PFKFB4: variants seen among roughly 807,000 people sequenced by gnomAD.
PFKFB4 encodes the protein 6-phosphofructo-2-kinase/fructose-2,6-biphosphatase 4.
Under a neutral mutation model 62.8 loss-of-function variants are expected in PFKFB4, and 42 were observed. That is an observed-to-expected ratio of 0.67 (90% CI 0.52 to 0.86). The LOEUF is 0.86. Among genes scored for constraint, PFKFB4 ranks in the 40% least tolerant of loss-of-function variants. The pLI is 0.00. For missense variants in PFKFB4, 475 were observed against 627.2 expected (o/e 0.76, Z 2.59); for synonymous variants, 204 against 240.7 (o/e 0.85, Z 1.41).
At chr3:48,525,910 A>AC (rs2042242822) in intron 9 of PFKFB4, 4 of 326,128 alleles carry the variant, frequency 1.2e-5, no homozygotes, top group Non-Finnish European at 2.2e-5. Context: ...TCCAATACAC[A>AC]CAGAGATGCT....
intron 1 of PFKFB4, among the ~76,000 whole-genome samples, chr3:48,551,460 G>A (rs555523223): frequency 1.1e-4 from 16 of 139,290 alleles, no homozygotes; most frequent in African/African-American, 2.9e-4. Context: ...CAGGTGATCC[G>A]ACTGCCTGGG....
At chr3:48,546,970 C>T (rs944635375) in intron 3 of PFKFB4, among the ~76,000 whole-genome samples, 1 of 152,204 alleles carries the variant, frequency 6.6e-6, no homozygotes, top group Non-Finnish European at 1.5e-5. Flanking sequence ...TCCTGGTTTC[C>T]TCTGGACTTC....
chr3:48,533,544 AAAC>A (rs2042495023), intron 9 of PFKFB4, among the ~76,000 whole-genome samples: 1 of 152,138 alleles, frequency 6.6e-6, no homozygotes, highest in African/African-American at 2.4e-5. Flanking sequence ...GCCCCAACAA[AAAC>A]AACTATTATT....
chr3:48,535,717 C>T, intron 8 of PFKFB4, 59 bp from the exon 9 acceptor site: 1 of 1,603,930 alleles, frequency 6.2e-7, no homozygotes, highest in Non-Finnish European at 8.5e-7. Flanking sequence ...TTAAAGCATC[C>T]CATAGCCGCA....
upstream of PFKFB4, chr3:48,557,060 T>G: frequency 2.1e-6 from 2 of 975,408 alleles, no homozygotes; most frequent in Non-Finnish European, 2.7e-6. Context: ...CTCCGGATTG[T>G]ACTGGTCCCG....
intron 8 of PFKFB4, 37 bp downstream of exon 8, chr3:48,536,219 C>T: frequency 1.3e-6 from 2 of 1,580,136 alleles, no homozygotes; most frequent in Non-Finnish European, 1.7e-6. Context: ...GGTACAAATG[C>T]AGGCCCGTGT....
At chr3:48,524,023 C>G (rs1575354223) in intron 10 of PFKFB4, among the ~76,000 whole-genome samples, 193 bp from the exon 11 acceptor site, 4 of 152,314 alleles carry the variant, frequency 2.6e-5, no homozygotes, top group African/African-American at 9.6e-5. Context: ...TTTCCCACCT[C>G]AGGGCTAGGT....
chr3:48,521,038 G>A lies in PFKFB4; in HGVS notation c.1350+948C>T, dbSNP rs1029941972. The stretch of plus-strand genomic sequence containing the variant: ...GACATGCACGAACTATCAGAGCAAT[G>A]GGAAGAGAGGCCTGCAGGGTAACTG... On this transcript the variant is annotated intron_variant, in intron 13 of 13. Transcript: ENST00000232375. This position sits in a 1 kb window ranked among gnomAD's most constrained non-coding sequence, Gnocchi z 5.3. 3.9e-5 allele frequency among the ~76,000 whole-genome samples: 6 copies of A among 152,224 alleles called. No individual in the cohort carries two copies. The highest frequency in any genetic ancestry group is 8.8e-5 in the Non-Finnish European group (6 of 68,036).
upstream of PFKFB4, chr3:48,561,291 C>T (rs1037186895): frequency 5.7e-5 from 16 of 280,386 alleles, no homozygotes; most frequent in Middle Eastern, 1.3e-3. This position sits in a 1 kb window ranked among gnomAD's most constrained non-coding sequence, Gnocchi z 5.2. Flanking sequence ...GCGCCAGTGC[C>T]CCCACTCCAG....
chr3:48,543,700 G>C, intron 3 of PFKFB4, 54 bp from the exon 4 acceptor site: 1 of 1,433,150 alleles, frequency 7.0e-7, no homozygotes. Context: ...GCTCCAGGAG[G>C]GTGGCCAGGG....
intron 6 of PFKFB4, 56 bp downstream of exon 6, chr3:48,539,198 A>G: frequency 7.2e-7 from 1 of 1,387,264 alleles, no homozygotes; most frequent in East Asian, 2.3e-5. Context: ...CCAAAACCTG[A>G]AAAGGGATGT....
intron 12 of PFKFB4, among the ~76,000 whole-genome samples, chr3:48,523,045 G>A (rs2042146791): frequency 6.6e-6 from 1 of 150,448 alleles, no homozygotes; most frequent in African/African-American, 2.4e-5. Flanking sequence ...ACAGGCATGA[G>A]CCACCGCACC....
chr3:48,557,011 C>T, upstream of PFKFB4: 2 of 1,339,718 alleles, frequency 1.5e-6, no homozygotes, highest in East Asian at 3.0e-5. Context: ...ACAAGTGGGC[C>T]CAGTTCTTCA....
At chr3:48,551,685 C>T (rs1422428049) in intron 1 of PFKFB4, among the ~76,000 whole-genome samples, 1 of 151,558 alleles carries the variant, frequency 6.6e-6, no homozygotes, top group Non-Finnish European at 1.5e-5. Context: ...GCTGGGATTA[C>T]AAGCACATGC....
At chr3:48,562,851 C>T (rs1468567484), upstream of PFKFB4, 1 of 1,587,542 alleles carries the variant, frequency 6.3e-7, no homozygotes, top group East Asian at 2.3e-5. The surrounding 1 kb of genome is among the most constrained non-coding windows in gnomAD (Gnocchi z 4.3). Context: ...GCAGCCCTGG[C>T]CCGGGCTTGC....
intron 5 of PFKFB4, 175 bp from the exon 6 acceptor site, chr3:48,539,485 A>G (rs2042735985): frequency 1.3e-5 from 9 of 710,130 alleles, no homozygotes. Flanking sequence ...CCAGAGCTAA[A>G]GCAGGTGCTG....
chr3:48,550,200 C>A lies in PFKFB4; in HGVS notation c.132G>T (p.Met44Ile), dbSNP rs150533667. 12 of 1,614,020 alleles carry A rather than the reference C, an allele frequency of 7.4e-6. No homozygotes were observed. The African/African-American group carries it at 1.5e-4, about 20-fold the overall frequency. ...TCTTGCCCCTGGCGGGCAGGCCCAC[C>A]ATGACAATGAGAGTTGGGCAGTTGG... ...CMTNCPTLIVMVGLPARGKTY... is the reference protein window; with the variant it reads ...CMTNCPTLIVIVGLPARGKTY... The change falls in exon 2 of 14, where the codon ATG becomes ATT. Residue 44 changes from methionine to isoleucine, a missense_variant. Physicochemically the swap from Met to Ile is conservative, Grantham distance 10 (BLOSUM62 1). Coordinates refer to ENST00000232375, the MANE Select transcript of PFKFB4 (RefSeq NM_004567.4).
chr3:48,554,561 G>C (rs1249020600), intron 1 of PFKFB4, among the ~76,000 whole-genome samples: 1 of 152,204 alleles, frequency 6.6e-6, no homozygotes, highest in Non-Finnish European at 1.5e-5. Context: ...TCCACACTTA[G>C]AGCCTGGAGA....
rs1314937973 is a variant in PFKFB4, at chr3:48,519,434, C to CTGAGCTGGCGA, written c.*302_*312dup. The CTGAGCTGGCGA allele has an allele frequency of 1.4e-5, 5 of 354,498 alleles. No individual in the cohort carries two copies. The highest frequency in any genetic ancestry group is 1.0e-4 in the African/African-American group (5 of 48,354). The allele number at this position is 354,498 out of a possible 1,614,324, so 22.0% of individuals were successfully genotyped here. A position where few individuals can be genotyped will look rare whatever the true frequency, so the allele number is the denominator to read the frequency against. ...AGGGTTTCACACTTCACAAAGCCAA[C>CTGAGCTGGCGA]TGAGCTGGCGAGAGTGAACACCTAA... On this transcript the variant is annotated 3_prime_UTR_variant, in exon 14 of 14. Coordinates refer to ENST00000232375, the MANE Select transcript of PFKFB4 (RefSeq NM_004567.4).
Sources: allele counts gnomAD v4.1 joint callset (sites outside exome capture counted in the v4.1 genomes callset), GRCh38; gene constraint gnomAD v4.1.1; non-coding constraint Gnocchi (gnomAD v3.1); transcripts MANE v1.5; gene names NCBI Gene and HGNC (gene_info 2026-07-23, HGNC 2026-07-21).